PPP2R1B: variants seen among roughly 807,000 people sequenced by gnomAD.
The protein encoded by PPP2R1B is protein phosphatase 2 scaffold subunit Abeta, also known as serine/threonine-protein phosphatase 2A 65 kDa regulatory subunit A beta isoform.
A neutral mutation model predicts 72.7 loss-of-function variants in PPP2R1B; 58 were observed. The observed-to-expected ratio is 0.80, with a 90% CI of 0.65 to 0.99. The LOEUF (loss-of-function observed/expected upper bound fraction) is 0.99, where lower values mean the gene tolerates loss of function less well. Ranked by LOEUF, PPP2R1B falls within the 50% of genes least tolerant of loss-of-function variation. PPP2R1B has a pLI of 0.00. For missense variants in PPP2R1B, 695 were observed against 733.6 expected (o/e 0.95, Z 0.61); for synonymous variants, 256 against 264.6 (o/e 0.97, Z 0.32).
chr11:111,753,359 G>C (rs1555048546), intron 9 of PPP2R1B, 84 bp downstream of exon 9: 1 of 1,479,548 alleles, frequency 6.8e-7, no homozygotes, highest in Non-Finnish European at 9.2e-7. Context: ...TCTTTTTGGG[G>C]GTTCTATTTT....
chr11:111,721,716 A>T, the PPP2R1B span: 1 of 680,268 alleles, frequency 1.5e-6, no homozygotes, highest in Non-Finnish European at 2.4e-6. Flanking sequence ...GAGTATTAAT[A>T]AGTCTCAGTG....
At chr11:111,753,294 C>T in intron 9 of PPP2R1B, 149 bp downstream of exon 9, 3 of 1,097,838 alleles carry the variant, frequency 2.7e-6, no homozygotes, top group Non-Finnish European at 3.8e-6. Context: ...TAACCCCATA[C>T]CCAAAATCAC....
chr11:111,696,157 A>G, the PPP2R1B span, among the ~76,000 whole-genome samples: 1 of 152,208 alleles, frequency 6.6e-6, no homozygotes, highest in African/African-American at 2.4e-5. Context: ...TTCAGGCCAT[A>G]TAGAACCCAG....
At chr11:111,710,246 A>G in the PPP2R1B span, among the ~76,000 whole-genome samples, 3 of 152,246 alleles carry the variant, frequency 2.0e-5, no homozygotes, top group Non-Finnish European at 2.9e-5. Context: ...GTTGTTTAAC[A>G]TCAGAAGTGG....
chr11:111,757,759 C>T (rs563541292), intron 5 of PPP2R1B, among the ~76,000 whole-genome samples: 4 of 149,830 alleles, frequency 2.7e-5, no homozygotes, highest in East Asian at 2.0e-4. Context: ...CACTTGAACC[C>T]GGGAGGCAGG....
the PPP2R1B span, among the ~76,000 whole-genome samples, chr11:111,715,793 C>CTTTTTT: frequency 2.7e-3 from 221 of 81,602 alleles, 1 homozygote; most frequent in Middle Eastern, 0.018. Context: ...TCATTTTTAG[C>CTTTTTT]TTTTTTTTTT....
At chr11:111,705,263 T>A in the PPP2R1B span, 15 of 1,021,744 alleles carry the variant, frequency 1.5e-5, no homozygotes, top group Non-Finnish European at 2.0e-5. The surrounding 1 kb of genome is among the most constrained non-coding windows in gnomAD (Gnocchi z 4.3). Flanking sequence ...GTAAAATTTC[T>A]GCCTGCCATT....
At chr11:111,701,774 C>T in the PPP2R1B span, among the ~76,000 whole-genome samples, 1 of 152,164 alleles carries the variant, frequency 6.6e-6, no homozygotes, top group African/African-American at 2.4e-5. This position sits in a 1 kb window ranked among gnomAD's most constrained non-coding sequence, Gnocchi z 4.2. Context: ...ACTAAACACA[C>T]AGCATTTCCC....
the PPP2R1B span, chr11:111,721,022 C>G: frequency 6.2e-7 from 1 of 1,613,990 alleles, no homozygotes; most frequent in Admixed American, 1.7e-5. Flanking sequence ...CTGGCGCCGG[C>G]GGCTCCTCAG....
At chr11:111,765,477 CAG>C (rs1327370082) in intron 1 of PPP2R1B, 93 bp from the exon 2 acceptor site, 10 of 998,242 alleles carry the variant, frequency 1.0e-5, no homozygotes, top group South Asian at 5.8e-5. Flanking sequence ...AATTATGACA[CAG>C]GGGTAAGAAT....
At chr11:111,733,212 TC>T (rs1207205421), downstream of PPP2R1B, among the ~76,000 whole-genome samples, 1 of 152,128 alleles carries the variant, frequency 6.6e-6, no homozygotes, top group African/African-American at 2.4e-5. Context: ...TGTCCGTGTT[TC>T]TGGGGGGATT....
intron 5 of PPP2R1B, 22 bp from the exon 6 acceptor site, chr11:111,755,472 A>G: frequency 6.3e-7 from 1 of 1,585,580 alleles, no homozygotes; most frequent in South Asian, 1.2e-5. Context: ...AAATTTCTGT[A>G]ATTCAGACAT....
chr11:111,721,188 C>T, the PPP2R1B span: 143 of 1,194,726 alleles, frequency 1.2e-4, 1 homozygote, highest in Admixed American at 4.1e-3. Flanking sequence ...TTGGGAAAAC[C>T]CACAGCTTCT....
At chr11:111,709,791 T>G in the PPP2R1B span, among the ~76,000 whole-genome samples, 3 of 152,256 alleles carry the variant, frequency 2.0e-5, no homozygotes, top group Admixed American at 6.5e-5. Flanking sequence ...AAAAGCGTTA[T>G]TCCTTGATCC....
In PPP2R1B at chr11:111,742,635, T is replaced by C. The variant is rs764595280; in HGVS notation, c.1585A>G (p.Thr529Ala). The change falls in exon 13 of 15, where the codon ACT (threonine) becomes GCT (alanine). Residue 529 changes from threonine to alanine, a missense_variant. Physicochemically the swap from Thr to Ala is moderately conservative, Grantham distance 58 (BLOSUM62 0). Coordinates refer to ENST00000527614, the MANE Select transcript of PPP2R1B (RefSeq NM_002716.5). ...ACGATGGGCAGCATTTGCTTAGTAGTTATTTCCTGACCACAGGCCTCAGAC... is the reference window on the plus strand; with the variant it reads ...ACGATGGGCAGCATTTGCTTAGTAGCTATTTCCTGACCACAGGCCTCAGAC... Reference protein sequence around the residue: ...ALSEACGQEITTKQMLPIVLK... With the variant: ...ALSEACGQEIATKQMLPIVLK... 2.5e-6 allele frequency: 4 copies of C among 1,613,254 alleles called. No individual in the cohort carries two copies. In the African/African-American group the frequency reaches 5.3e-5, roughly 22 times the overall value.
At chr11:111,735,324 T>C (rs559342098), downstream of PPP2R1B, 1 of 152,336 alleles carries the variant, frequency 6.6e-6, no homozygotes, top group South Asian at 2.1e-4. Flanking sequence ...AGCTGCTCCT[T>C]CCTGCAATAA....
chr11:111,742,040 A>G lies in PPP2R1B; in HGVS notation c.1789+13T>C, dbSNP rs765190421. On this transcript the variant is annotated intron_variant, in intron 14 of 14. Transcript: ENST00000527614. ...AAGGCATAAGCTGCAAGGCAAAAGA[A>G]GGAAATACATACCACTTATAGCTTC... The G allele has an allele frequency of 3.1e-6, 5 of 1,601,038 alleles. No homozygotes were observed. In the East Asian group the frequency reaches 6.7e-5, roughly 21 times the overall value.
the PPP2R1B span, chr11:111,705,285 C>G: frequency 1.3e-6 from 1 of 796,894 alleles, no homozygotes; most frequent in African/African-American, 1.8e-5. This position sits in a 1 kb window ranked among gnomAD's most constrained non-coding sequence, Gnocchi z 4.3. Flanking sequence ...ACTAGATTCT[C>G]AAATGTTTTA....
At chr11:111,749,400 CAGCCTCCCAAGA>C (rs1443918543) in intron 10 of PPP2R1B, among the ~76,000 whole-genome samples, 1 of 152,060 alleles carries the variant, frequency 6.6e-6, no homozygotes, top group African/African-American at 2.4e-5. Context: ...TCTCCTGCCT[CAGCCTCCCAAGA>C]AGCCTCCCAA....
Sources: gnomAD v4.1 joint callset for allele counts (sites outside exome capture counted in the v4.1 genomes callset) on GRCh38, gnomAD v4.1.1 for gene constraint, Gnocchi (gnomAD v3.1) non-coding constraint, MANE v1.5 for transcripts, NCBI Gene and HGNC (gene_info 2026-07-23, HGNC 2026-07-21) for gene names.